H1-2: variants seen among roughly 807,000 people sequenced by gnomAD.
The protein encoded by H1-2 is H1.2 linker histone, cluster member, also known as histone H1.2.
A neutral mutation model predicts 7.2 loss-of-function variants in H1-2; 7 were observed. The ratio of observed to expected loss-of-function variants is 0.97; its 90% CI spans 0.55 to 1.82. The LOEUF (loss-of-function observed/expected upper bound fraction) is 1.82, where lower values mean the gene tolerates loss of function less well. H1-2 is among the 40% of genes most tolerant of loss of function. The probability of loss-of-function intolerance (pLI) is 0.00; values close to 1 mark genes in which losing one functional copy is unlikely to be tolerated. For synonymous variants in H1-2, 300 were observed against 118.2 expected (o/e 2.54, Z -9.98); for missense variants, 703 against 276.6 (o/e 2.54, Z -10.94).
rs778879235 is a variant in H1-2 at position 26,056,336 on chromosome 6, C to T, written c.93G>A (p.Thr31=). Residue 31 remains threonine, a synonymous_variant, in exon 1 of 1, where the codon ACG becomes ACA. Transcript: ENST00000343677. ...KKKAAKKAGG[T]PRKASGPPVS... The stretch of plus-strand genomic sequence containing the variant: ...CCGGGGGACCAGACGCCTTACGAGG[C>T]GTACCCCCAGCCTTTTTGGCCGCCT... 1.1e-5 allele frequency: 17 copies of T among 1,613,942 alleles called. No individual in the cohort carries two copies. The highest frequency in any genetic ancestry group is 2.2e-5 in the East Asian group (1 of 44,880).
At position 26,055,744 on chromosome 6, in the gene H1-2, G is replaced by A. The variant is rs80137821; in HGVS notation, c.*43C>T. 2.7e-6 allele frequency: 4 copies of A among 1,502,556 alleles called. No individual in the cohort carries two copies. The highest frequency in any genetic ancestry group is 2.3e-5 in the East Asian group (1 of 44,398). 93.1% of individuals were successfully genotyped at this position (1,502,556 alleles called of 1,614,324 possible). On this transcript the variant is annotated 3_prime_UTR_variant, in exon 1 of 1. Transcript: ENST00000343677. ...CAGCTCTTTTATTGAGATCAGTGGT[G>A]GCTCTGAAAAGAGCCTTTTGGGTTT...
In H1-2 at chr6:26,056,033, A is replaced by G. The variant is rs1561927245; in HGVS notation, c.396T>C (p.Val132=). Residue 132 remains valine (V), a synonymous_variant, in exon 1 of 1, where the codon GTT becomes GTC. Coordinates refer to ENST00000343677, the MANE Select transcript of H1-2 (RefSeq NM_005319.4). ...KAGGTKPKKP[V]GAAKKPKKAA... is the part of the protein sequence containing the mutation. The stretch of plus-strand genomic sequence containing the variant: ...CCTTCTTGGGCTTCTTGGCTGCCCC[A>G]ACTGGCTTCTTAGGTTTGGTTCCGC... 8 of 1,613,968 alleles carry G rather than the reference A, an allele frequency of 5.0e-6. No individual in the cohort carries two copies. Among genetic ancestry groups the G allele is most frequent in the Non-Finnish European group, 6.8e-6 (8 of 1,180,010 alleles).
chr6:26,056,144 T>C lies in H1-2; in HGVS notation c.285A>G (p.Gln95=), dbSNP rs2113701811. ...AGCCAGAAGCACCGGTGCCTTTCGTTTGCACCAGAGTGCCCTTGCTCACCA... is the reference window on the plus strand; with the variant it reads ...AGCCAGAAGCACCGGTGCCTTTCGTCTGCACCAGAGTGCCCTTGCTCACCA... ...KSLVSKGTLV[Q]TKGTGASGSF... The change falls in exon 1 of 1, where the codon CAA becomes CAG. Residue 95 remains glutamine, a synonymous_variant. Coordinates refer to ENST00000343677, the MANE Select transcript of H1-2 (RefSeq NM_005319.4). The C allele has an allele frequency of 1.9e-6, 3 of 1,614,230 alleles. No individual in the cohort carries two copies. The highest frequency in any genetic ancestry group is 2.5e-6 in the Non-Finnish European group (3 of 1,180,028).
In H1-2 at chr6:26,056,025, G is replaced by A. The variant is rs769614360; in HGVS notation, c.404C>T (p.Ala135Val). 2 of 1,614,044 alleles carry A rather than the reference G, an allele frequency of 1.2e-6. No individual in the cohort carries two copies. The highest frequency in any genetic ancestry group is 1.1e-5 in the South Asian group (1 of 91,076). Residue 135 changes from alanine to valine, a missense_variant, in exon 1 of 1, where the codon GCC becomes GTC. Coordinates refer to ENST00000343677, the MANE Select transcript of H1-2 (RefSeq NM_005319.4). ...GCCAGCCGCCTTCTTGGGCTTCTTGGCTGCCCCAACTGGCTTCTTAGGTTT... is the reference window on the plus strand; with the variant it reads ...GCCAGCCGCCTTCTTGGGCTTCTTGACTGCCCCAACTGGCTTCTTAGGTTT... ...GTKPKKPVGA[A>V]KKPKKAAGGA...
Position 26,055,922 on chromosome 6 carries a change from T to C in H1-2, c.507A>G (p.Lys169=), listed in dbSNP as rs138194086. Residue 169 remains lysine (K), a synonymous_variant, in exon 1 of 1, where the codon AAA becomes AAG. Coordinates refer to ENST00000343677, the MANE Select transcript of H1-2 (RefSeq NM_005319.4). ...TGGCCTTCTTTGGGCTCTTAGCCAC[T>C]TTCTTGGTTACAGTGGCCGCGGCCG... is the stretch of plus-strand genomic sequence containing the variant. ...KKPAAATVTK[K]VAKSPKKAKV... 2.5e-5 allele frequency: 41 copies of C among 1,614,176 alleles called. No individual in the cohort carries two copies. The African/African-American group carries it at 4.8e-4, about 19-fold the overall frequency.
In H1-2 at chr6:26,056,166, A is replaced by G; in HGVS notation, c.263T>C (p.Val88Ala). 6.2e-7 allele frequency: 1 copy of G among 1,614,254 alleles called. No individual in the cohort carries two copies. The highest frequency in any genetic ancestry group is 8.5e-7 in the Non-Finnish European group (1 of 1,180,050). ...CGTTTGCACCAGAGTGCCCTTGCTC[A>G]CCAGGCTCTTGAGACCAAGTTTGAT... ...SRIKLGLKSL[V>A]SKGTLVQTKG... The change falls in exon 1 of 1, where the codon GTG becomes GCG. Residue 88 changes from valine to alanine, a missense_variant. Transcript: ENST00000343677.
rs748044967 is a variant in H1-2, at chr6:26,055,806, G to A, written c.623C>T (p.Ala208Val). 7 of 1,592,750 alleles carry A rather than the reference G, an allele frequency of 4.4e-6. No homozygotes were observed. Among genetic ancestry groups the A allele is most frequent in the South Asian group, 2.3e-5 (2 of 86,998 alleles). The part of the protein sequence containing the change: ...AKPKVVKPKK[A>V]APKKK ...GTTCGCCTATTTCTTCTTGGGCGCC[G>A]CCTTCTTAGGCTTGACAACCTTGGG... Residue 208 changes from alanine (A) to valine (V), a missense_variant, in exon 1 of 1, where the codon GCG becomes GTG. Coordinates refer to ENST00000343677, the MANE Select transcript of H1-2 (RefSeq NM_005319.4).
Position 26,056,011 on chromosome 6 carries a change from T to C in H1-2, c.418A>G (p.Lys140Glu), listed in dbSNP as rs1259442897. Residue 140 changes from lysine (K) to glutamate (E), a missense_variant, in exon 1 of 1, where the codon AAG (lysine) becomes GAG (glutamate). Lys to Glu is a moderately conservative substitution (Grantham distance 56, BLOSUM62 1). Coordinates refer to ENST00000343677, the MANE Select transcript of H1-2 (RefSeq NM_005319.4). ...TTCGGAGTTGCGCCGCCAGCCGCCT[T>C]CTTGGGCTTCTTGGCTGCCCCAACT... ...KPVGAAKKPK[K>E]AAGGATPKKS... The C allele has an allele frequency of 1.2e-6, 2 of 1,613,636 alleles. No homozygotes were observed. Among genetic ancestry groups the C allele is most frequent in the South Asian group, 2.2e-5 (2 of 91,066 alleles).
Position 26,056,434 on chromosome 6 carries a change from G to A in H1-2, c.-6C>T, listed in dbSNP as rs371122227. ...GCAGGAGCAGTCTCGGACATGTTGA[G>A]AATCAAAAACTCGGGTACAAGTGGC... On this transcript the variant is annotated 5_prime_UTR_variant, in exon 1 of 1. Coordinates refer to ENST00000343677, the MANE Select transcript of H1-2 (RefSeq NM_005319.4). The A allele has an allele frequency of 1.7e-4, 260 of 1,562,568 alleles. No homozygotes were observed. The highest frequency in any genetic ancestry group is 3.1e-4 in the Admixed American group (15 of 48,462).
rs1304918686 is a variant in H1-2 at position 26,055,954 on chromosome 6, T to G, written c.475A>C (p.Lys159Gln). Reference protein sequence around the residue: ...KSAKKTPKKAKKPAAATVTKK... With the variant: ...KSAKKTPKKAQKPAAATVTKK... ...GTTACAGTGGCCGCGGCCGGCTTCT[T>G]CGCTTTCTTCGGTGTTTTCTTAGCG... Residue 159 changes from lysine (K) to glutamine (Q), a missense_variant, in exon 1 of 1, where the codon AAG becomes CAG. By Grantham distance (53) the Lys-to-Gln change is moderately conservative (BLOSUM62 1). Transcript: ENST00000343677. 5 of 1,613,998 alleles carry G rather than the reference T, an allele frequency of 3.1e-6. No homozygotes were observed. Among genetic ancestry groups the G allele is most frequent in the African/African-American group, 2.7e-5 (2 of 74,906 alleles).
chr6:26,055,757 G>A lies in H1-2; in HGVS notation c.*30C>T, dbSNP rs753979521. On this transcript the variant is annotated 3_prime_UTR_variant, in exon 1 of 1. Coordinates refer to ENST00000343677, the MANE Select transcript of H1-2 (RefSeq NM_005319.4). Reference sequence around the variant, plus strand: ...GAGATCAGTGGTGGCTCTGAAAAGAGCCTTTTGGGTTTTAGAAGTAGGCGT... The same window carrying A: ...GAGATCAGTGGTGGCTCTGAAAAGAACCTTTTGGGTTTTAGAAGTAGGCGT... 6.4e-7 allele frequency: 1 copy of A among 1,565,370 alleles called. No homozygotes were observed. The highest frequency in any genetic ancestry group is 8.6e-7 in the Non-Finnish European group (1 of 1,161,708).
Position 26,055,884 on chromosome 6 carries a change from G to C in H1-2, c.545C>G (p.Pro182Arg), listed in dbSNP as rs142399492. ...AGCAGCACTTTTGGCAGCTTTCTTGGGCTTCGCAACCTTGGCCTTCTTTGG... is the reference window on the plus strand; with the variant it reads ...AGCAGCACTTTTGGCAGCTTTCTTGCGCTTCGCAACCTTGGCCTTCTTTGG... ...KSPKKAKVAK[P>R]KKAAKSAAKA... Residue 182 changes from proline to arginine, a missense_variant, in exon 1 of 1, where the codon CCC (proline) becomes CGC (arginine). By Grantham distance (103) the Pro-to-Arg change is moderately radical. Transcript: ENST00000343677. The C allele has an allele frequency of 3.1e-6, 5 of 1,614,158 alleles. No homozygotes were observed. Among genetic ancestry groups the C allele is most frequent in the East Asian group, 2.2e-5 (1 of 44,884 alleles).
In H1-2 at chr6:26,056,285, C is replaced by T. The variant is rs201575715; in HGVS notation, c.144G>A (p.Val48=). The part of the protein sequence containing the change: ...PPVSELITKA[V]AASKERSGVS... ...CTCCGCTACGCTCTTTAGAGGCGGC[C>T]ACAGCCTTGGTGATGAGCTCTGACA... The change falls in exon 1 of 1, where the codon GTG becomes GTA. Residue 48 remains valine (V), a synonymous_variant. Coordinates refer to ENST00000343677, the MANE Select transcript of H1-2 (RefSeq NM_005319.4). 3.1e-6 allele frequency: 5 copies of T among 1,614,088 alleles called. No homozygotes were observed. Among genetic ancestry groups the T allele is most frequent in the South Asian group, 2.2e-5 (2 of 91,090 alleles).
At position 26,056,447 on chromosome 6, in the gene H1-2, G is replaced by C. The variant is rs182383892; in HGVS notation, c.-19C>G. The C allele has an allele frequency of 9.6e-5, 149 of 1,549,026 alleles. 1 individual carries two copies. In the South Asian group the frequency reaches 1.1e-3, roughly 11 times the overall value. On this transcript the variant is annotated 5_prime_UTR_variant, in exon 1 of 1. Transcript: ENST00000343677. The stretch of plus-strand genomic sequence containing the variant: ...CGGACATGTTGAGAATCAAAAACTC[G>C]GGTACAAGTGGCAAAGCGCCGATGA...
rs1225607621 is a variant in H1-2, at chr6:26,055,771, AG to A, written c.*15del. On this transcript the variant is annotated 3_prime_UTR_variant, in exon 1 of 1. Coordinates refer to ENST00000343677, the MANE Select transcript of H1-2 (RefSeq NM_005319.4). The stretch of plus-strand genomic sequence containing the variant: ...CTCTGAAAAGAGCCTTTTGGGTTTT[AG>A]AAGTAGGCGTTCGCCTATTTCTTCT... The A allele has an allele frequency of 1.3e-6, 2 of 1,579,208 alleles. No homozygotes were observed. Among genetic ancestry groups the A allele is most frequent in the African/African-American group, 2.8e-5 (2 of 72,442 alleles).
Position 26,055,960 on chromosome 6 carries a change from T to G in H1-2, c.469A>C (p.Lys157Gln), listed in dbSNP as rs1581645221. ...GTGGCCGCGGCCGGCTTCTTCGCTT[T>G]CTTCGGTGTTTTCTTAGCGCTCTTC... Reference protein sequence around the residue: ...PKKSAKKTPKKAKKPAAATVT... With the variant: ...PKKSAKKTPKQAKKPAAATVT... The change falls in exon 1 of 1, where the codon AAA becomes CAA. Residue 157 changes from lysine (K) to glutamine (Q), a missense_variant. Physicochemically the swap from Lys to Gln is moderately conservative, Grantham distance 53. Coordinates refer to ENST00000343677, the MANE Select transcript of H1-2 (RefSeq NM_005319.4). 1 of 1,614,098 alleles carries G rather than the reference T, an allele frequency of 6.2e-7. No homozygotes were observed. The highest frequency in any genetic ancestry group is 8.5e-7 in the Non-Finnish European group (1 of 1,180,008).
rs770676686 is a variant in H1-2 at position 26,056,243 on chromosome 6, C to T, written c.186G>A (p.Leu62=). ...AGCCGGCGGCAGCCAACGCTTTTTT[C>T]AGAGCAGCCAGAGAAACTCCGCTAC... is the stretch of plus-strand genomic sequence containing the variant. ...KERSGVSLAA[L]KKALAAAGYD... Residue 62 remains leucine, a synonymous_variant, in exon 1 of 1, where the codon CTG becomes CTA. Transcript: ENST00000343677. 1.2e-6 allele frequency: 2 copies of T among 1,614,214 alleles called. No individual in the cohort carries two copies. The highest frequency in any genetic ancestry group is 1.7e-6 in the Non-Finnish European group (2 of 1,180,024).
chr6:26,056,078 C>G lies in H1-2; in HGVS notation c.351G>C (p.Lys117Asn), dbSNP rs377684232. 2 of 1,614,210 alleles carry G rather than the reference C, an allele frequency of 1.2e-6. No individual in the cohort carries two copies. The highest frequency in any genetic ancestry group is 1.1e-5 in the South Asian group (1 of 91,088). Residue 117 changes from lysine to asparagine, a missense_variant, in exon 1 of 1, where the codon AAG (lysine) becomes AAC (asparagine). Coordinates refer to ENST00000343677, the MANE Select transcript of H1-2 (RefSeq NM_005319.4). Reference protein sequence around the residue: ...LNKKAASGEAKPKVKKAGGTK... With the variant: ...LNKKAASGEANPKVKKAGGTK... ...TTCCGCCCGCCTTTTTAACCTTGGGCTTGGCTTCCCCGGAGGCTGCCTTCT... is the reference window on the plus strand; with the variant it reads ...TTCCGCCCGCCTTTTTAACCTTGGGGTTGGCTTCCCCGGAGGCTGCCTTCT...
In H1-2 at chr6:26,056,077, G is replaced by C. The variant is rs1256677846; in HGVS notation, c.352C>G (p.Pro118Ala). The C allele has an allele frequency of 6.2e-7, 1 of 1,614,156 alleles. No homozygotes were observed. Among genetic ancestry groups the C allele is most frequent in the East Asian group, 2.2e-5 (1 of 44,882 alleles). Residue 118 changes from proline to alanine, a missense_variant, in exon 1 of 1, where the codon CCC (proline) becomes GCC (alanine). Transcript: ENST00000343677. ...GTTCCGCCCGCCTTTTTAACCTTGG[G>C]CTTGGCTTCCCCGGAGGCTGCCTTC... ...NKKAASGEAKPKVKKAGGTKP... is the reference protein window; with the variant it reads ...NKKAASGEAKAKVKKAGGTKP...
Sources: gnomAD v4.1 joint callset for allele counts on GRCh38, gnomAD v4.1.1 for gene constraint, MANE v1.5 for transcripts, NCBI Gene and HGNC (gene_info 2026-07-23, HGNC 2026-07-21) for gene names.